The following TRAPPC9 variants were observed in gnomAD, a reference collection of about 807,000 sequenced individuals.
TRAPPC9 encodes the protein IKK2 binding protein.
TRAPPC9 carries 83 observed loss-of-function variants against 124.0 expected under a neutral mutation model. The ratio of observed to expected loss-of-function variants is 0.67; its 90% confidence interval spans 0.56 to 0.80. TRAPPC9 has a LOEUF of 0.80. Ranked by LOEUF, TRAPPC9 falls within the 30% of genes least tolerant of loss-of-function variation. The pLI, the probability that TRAPPC9 is intolerant of heterozygous loss-of-function variation, is 0.00. For missense variants in TRAPPC9, 1,302 were observed against 1,508.3 expected (o/e 0.86, Z 2.27); for synonymous variants, 638 against 617.5 (o/e 1.03, Z -0.49).
At chr8:140,214,866 G>A (rs1325949373) in intron 17 of TRAPPC9, among the ~76,000 whole-genome samples, 1 of 152,160 alleles carries the variant, frequency 6.6e-6, no homozygotes, top group African/African-American at 2.4e-5. Flanking sequence ...TTCTCGGGGT[G>A]CTCCCTAGGA....
intron 19 of TRAPPC9, among the ~76,000 whole-genome samples, chr8:139,940,097 C>T (rs1278038801): frequency 6.6e-6 from 1 of 152,218 alleles, no homozygotes; most frequent in African/African-American, 2.4e-5. Context: ...TCTGGGATTC[C>T]CGTCGTTTGG....
At chr8:140,391,298 T>C (rs987676410) in intron 7 of TRAPPC9, among the ~76,000 whole-genome samples, 2 of 152,252 alleles carry the variant, frequency 1.3e-5, no homozygotes, top group African/African-American at 4.8e-5. Context: ...TTGGATTCAA[T>C]GAGAGTTGAT....
chr8:140,054,069 A>T (rs1031166401), intron 17 of TRAPPC9, among the ~76,000 whole-genome samples: 1 of 152,232 alleles, frequency 6.6e-6, no homozygotes, highest in Non-Finnish European at 1.5e-5. Flanking sequence ...ATTAACACAG[A>T]AACAGAAAAT....
chr8:140,429,031 A>G (rs1001376656), intron 4 of TRAPPC9, among the ~76,000 whole-genome samples: 13 of 151,980 alleles, frequency 8.6e-5, no homozygotes, highest in African/African-American at 3.1e-4. Context: ...CAATCTACTG[A>G]AGCTCAGCCC....
chr8:140,146,910 T>C (rs1212597616), intron 17 of TRAPPC9, among the ~76,000 whole-genome samples: 2 of 150,412 alleles, frequency 1.3e-5, no homozygotes, highest in African/African-American at 2.4e-5. Context: ...TTTTCCAATA[T>C]GATTTTAATA....
intron 19 of TRAPPC9, among the ~76,000 whole-genome samples, chr8:139,917,167 C>CTTTTTTTTTTTTTTTTTTTTTTTTTTTTT (rs71318317): frequency 5.0e-5 from 5 of 99,926 alleles, no homozygotes; most frequent in Non-Finnish European, 5.4e-5. Context: ...TTATTATTTT[C>CTTTTTTTTTTTTTTTTTTTTTTTTTTTTT]TTTTTTTTTT....
At chr8:139,777,140 G>T (rs113118360) in intron 21 of TRAPPC9, among the ~76,000 whole-genome samples, 1 of 152,132 alleles carries the variant, frequency 6.6e-6, no homozygotes, top group Non-Finnish European at 1.5e-5. Context: ...TTTCTCTACC[G>T]CATGGTCAAA....
intron 21 of TRAPPC9, among the ~76,000 whole-genome samples, chr8:139,861,675 T>C (rs974167179): frequency 2.0e-5 from 3 of 152,182 alleles, no homozygotes; most frequent in Non-Finnish European, 4.4e-5. Flanking sequence ...CTTCTGCCCA[T>C]TCTAGGCCAC....
chr8:140,248,536 C>T (rs554613299), intron 16 of TRAPPC9, among the ~76,000 whole-genome samples: 1 of 152,282 alleles, frequency 6.6e-6, no homozygotes, highest in South Asian at 2.1e-4. Context: ...ATTTTGGGGT[C>T]CGTGGGGATA....
chr8:139,842,644 C>T (rs1826807492), intron 21 of TRAPPC9, among the ~76,000 whole-genome samples: 1 of 128,386 alleles, frequency 7.8e-6, no homozygotes, highest in African/African-American at 2.9e-5. Context: ...GCTGGACTCC[C>T]ATGGAGGAGG....
chr8:140,376,652 G>C (rs2068449020), intron 7 of TRAPPC9, among the ~76,000 whole-genome samples: 1 of 150,716 alleles, frequency 6.6e-6, no homozygotes, highest in Admixed American at 6.6e-5. Context: ...AAGGCAGGCA[G>C]ATTACCTGAG....
chr8:140,053,911 G>A (rs886308997), intron 17 of TRAPPC9, among the ~76,000 whole-genome samples: 3 of 152,154 alleles, frequency 2.0e-5, no homozygotes, highest in South Asian at 2.1e-4. Context: ...GCAAAGTTAC[G>A]AAATCAACCT....
intron 14 of TRAPPC9, among the ~76,000 whole-genome samples, chr8:140,282,523 T>G (rs1347796279): frequency 2.1e-5 from 3 of 146,200 alleles, no homozygotes; most frequent in African/African-American, 7.7e-5. Context: ...AAAAAGATTG[T>G]GCCACGGCAC....
chr8:139,838,481 T>C (rs1158285518), intron 21 of TRAPPC9, among the ~76,000 whole-genome samples: 1 of 151,984 alleles, frequency 6.6e-6, no homozygotes, highest in African/African-American at 2.4e-5. Context: ...GAGCGGGGAG[T>C]GAGCCTGGGC....
At chr8:139,982,215 T>G (rs1451228914) in intron 19 of TRAPPC9, among the ~76,000 whole-genome samples, 1 of 152,162 alleles carries the variant, frequency 6.6e-6, no homozygotes, top group Non-Finnish European at 1.5e-5. Flanking sequence ...ATCCACTGTT[T>G]CCGGTTGTGC....
At chr8:139,764,471 C>G (rs761867124) in intron 21 of TRAPPC9, among the ~76,000 whole-genome samples, 1 of 152,200 alleles carries the variant, frequency 6.6e-6, no homozygotes, top group Non-Finnish European at 1.5e-5. Flanking sequence ...GGCCATCAAC[C>G]ATCATCCAGG....
intron 1 of TRAPPC9, among the ~76,000 whole-genome samples, chr8:140,454,303 A>G (rs2071574140): frequency 6.6e-6 from 1 of 151,586 alleles, no homozygotes; most frequent in South Asian, 2.1e-4. Flanking sequence ...AAATTAATAA[A>G]TAAAAATGAT....
At chr8:139,966,078 G>C (rs929134919) in intron 19 of TRAPPC9, among the ~76,000 whole-genome samples, 1 of 152,204 alleles carries the variant, frequency 6.6e-6, no homozygotes, top group African/African-American at 2.4e-5. Flanking sequence ...AAGTTGTGAA[G>C]AGTTCTGCTC....
chr8:139,774,818 G>T (rs1821246563), intron 21 of TRAPPC9, among the ~76,000 whole-genome samples: 1 of 152,190 alleles, frequency 6.6e-6, no homozygotes, highest in Admixed American at 6.5e-5. Context: ...GCAGAGCTAG[G>T]AACCAACCTT....
Sources: allele counts gnomAD v4.1 joint callset (sites outside exome capture counted in the v4.1 genomes callset), GRCh38; gene constraint gnomAD v4.1.1; transcripts MANE v1.5; gene names NCBI Gene and HGNC (gene_info 2026-07-23, HGNC 2026-07-21).